DNMBP: variants seen among roughly 807,000 people sequenced by gnomAD.
The protein encoded by DNMBP is dynamin-binding protein.
DNMBP carries 87 observed loss-of-function variants against 150.0 expected under a neutral mutation model. That is an observed-to-expected ratio of 0.58 (90% CI 0.49 to 0.69). The LOEUF (loss-of-function observed/expected upper bound fraction) is 0.69. Among genes scored for constraint, DNMBP ranks in the 30% least tolerant of loss-of-function variants. The pLI is 0.00. For synonymous variants in DNMBP, 711 were observed against 750.4 expected (o/e 0.95, Z 0.86); for missense variants, 1,774 against 1,949.0 (o/e 0.91, Z 1.69).
intron 4 of DNMBP, among the ~76,000 whole-genome samples, chr10:99,939,826 G>C (rs181224383): frequency 2.2e-3 from 330 of 152,318 alleles, no homozygotes; most frequent in Non-Finnish European, 3.7e-3. Flanking sequence ...TCAGGCTTTT[G>C]CATTTCTGAG....
Position 99,968,291 on chromosome 10 carries a change from A to G in DNMBP, c.268+824T>C, listed in dbSNP as rs914847247. Among the ~76,000 whole-genome samples the G allele has an allele frequency of 3.9e-5, 6 of 152,140 alleles. No individual in the cohort carries two copies. In the South Asian group the frequency reaches 1.2e-3, roughly 31 times the overall value. Reference sequence around the variant, plus strand: ...ATCAAAATTCCTGCTCTACTATTATACATTAATAAATGGTAATATTGTTAG... The same window carrying G: ...ATCAAAATTCCTGCTCTACTATTATGCATTAATAAATGGTAATATTGTTAG... On this transcript the variant is annotated intron_variant, in intron 3 of 16. Coordinates refer to ENST00000324109, the MANE Select transcript of DNMBP (RefSeq NM_015221.4).
intron 1 of DNMBP, among the ~76,000 whole-genome samples, chr10:99,999,210 C>G (rs2040985000): frequency 6.6e-6 from 1 of 152,218 alleles, no homozygotes; most frequent in South Asian, 2.1e-4. Context: ...TCTTCAGGCA[C>G]TCATTTACCT....
Position 99,899,781 on chromosome 10 carries a change from A to G in DNMBP, c.2702+138T>C. On this transcript the variant is annotated intron_variant, in intron 7 of 16. Transcript: ENST00000324109. ...TATTCACATGGACAAAAATACAATC[A>G]GGAAACCACTTAAATGATATATATC... is the stretch of plus-strand genomic sequence containing the variant. 4.9e-6 allele frequency: 5 copies of G among 1,015,304 alleles called. No individual in the cohort carries two copies. The South Asian group carries it at 5.4e-5, about 11-fold the overall frequency. 62.9% of individuals were successfully genotyped at this position (1,015,304 alleles called of 1,614,324 possible). A position where few individuals can be genotyped will look rare whatever the true frequency, so the allele number is the denominator to read the frequency against.
intron 4 of DNMBP, chr10:99,929,893 T>C: frequency 1.4e-6 from 1 of 702,936 alleles, no homozygotes; most frequent in Non-Finnish European, 2.6e-6. Flanking sequence ...AAATTCTCCA[T>C]TTGATGGAGA....
In DNMBP at chr10:99,876,968, G is replaced by A. The variant is rs543984022; in HGVS notation, c.*183C>T. 4.9e-5 allele frequency: 25 copies of A among 508,372 alleles called. No individual in the cohort carries two copies. The South Asian group carries it at 8.4e-4, about 17-fold the overall frequency. 31.5% of individuals were successfully genotyped at this position (508,372 alleles called of 1,614,324 possible). A position where few individuals can be genotyped will look rare whatever the true frequency, so the allele number is the denominator to read the frequency against. On this transcript the variant is annotated 3_prime_UTR_variant, in exon 17 of 17. Coordinates refer to ENST00000324109, the MANE Select transcript of DNMBP (RefSeq NM_015221.4). ...TCCATTTCAAATTCTAGAGATTCTA[G>A]TGAGCATCAAGGTTTACAACCCAAT...
At chr10:99,922,472 G>A (rs1589419683) in intron 4 of DNMBP, among the ~76,000 whole-genome samples, 1 of 145,966 alleles carries the variant, frequency 6.9e-6, no homozygotes, top group African/African-American at 2.6e-5. Context: ...GTAATGGCTT[G>A]GGAAGAAAAC....
In DNMBP at chr10:99,932,404, C is replaced by T. The variant is rs530649905; in HGVS notation, c.2260+22810G>A. Among the ~76,000 whole-genome samples the T allele has an allele frequency of 1.5e-4, 23 of 152,204 alleles. No individual in the cohort carries two copies. In the East Asian group the frequency reaches 2.1e-3, roughly 14 times the overall value. The stretch of plus-strand genomic sequence containing the variant: ...CCTCAAACAAAAGGCCAATAAAAAA[C>T]AAATTGACCAGTGGTATTCATCAGT... On this transcript the variant is annotated intron_variant, in intron 4 of 16. Coordinates refer to ENST00000324109, the MANE Select transcript of DNMBP (RefSeq NM_015221.4).
chr10:99,889,454 T>G (rs753897860), intron 11 of DNMBP: 1 of 151,608 alleles, frequency 6.6e-6, no homozygotes, highest in African/African-American at 2.5e-5. Context: ...AAAAAAATAC[T>G]CTCTCACATG....
chr10:99,893,474 G>A lies in DNMBP; in HGVS notation c.3156+1472C>T, dbSNP rs543082568. On this transcript the variant is annotated intron_variant, in intron 11 of 16. Transcript: ENST00000324109. ...ACCAAGGCCAGGCGCGGTGGCTCAC[G>A]CCTGTAATTCCAACACTTTGGAAGA... Among the ~76,000 whole-genome samples, 6 of 152,344 alleles carry A rather than the reference G, an allele frequency of 3.9e-5. No homozygotes were observed. The East Asian group carries it at 5.8e-4, about 15-fold the overall frequency.
In DNMBP at chr10:99,949,326, A is replaced by G. The variant is rs538453001; in HGVS notation, c.2260+5888T>C. 2.6e-5 allele frequency among the ~76,000 whole-genome samples: 4 copies of G among 152,338 alleles called. 1 individual carries two copies. The South Asian group carries it at 8.3e-4, about 32-fold the overall frequency. On this transcript the variant is annotated intron_variant, in intron 4 of 16. Coordinates refer to ENST00000324109, the MANE Select transcript of DNMBP (RefSeq NM_015221.4). Reference sequence around the variant, plus strand: ...GATAAAACCTGTCTTCTCAGTAAGCATATTAACAACTAAATATAATATTGA... The same window carrying G: ...GATAAAACCTGTCTTCTCAGTAAGCGTATTAACAACTAAATATAATATTGA...
chr10:99,921,864 GAAAAAA>G (rs34344466), intron 4 of DNMBP, among the ~76,000 whole-genome samples: 111 of 23,736 alleles, frequency 4.7e-3, no homozygotes, highest in Middle Eastern at 0.023. Flanking sequence ...GATTCCATCT[GAAAAAA>G]AAAAAAAAAA....
intron 13 of DNMBP, 42 bp downstream of exon 13, chr10:99,886,258 A>G: frequency 6.6e-7 from 1 of 1,505,780 alleles, no homozygotes; most frequent in Non-Finnish European, 9.1e-7. Context: ...TACCAGGCAA[A>G]GGCTATAGAT....
At chr10:99,924,834 A>G (rs190802020) in intron 4 of DNMBP, among the ~76,000 whole-genome samples, 1 of 152,358 alleles carries the variant, frequency 6.6e-6, no homozygotes, top group African/African-American at 2.4e-5. Context: ...TACTTCGCAA[A>G]AGTGCCTTCA....
intron 11 of DNMBP, among the ~76,000 whole-genome samples, chr10:99,893,476 C>T (rs1184097119): frequency 6.6e-6 from 1 of 152,216 alleles, no homozygotes; most frequent in Non-Finnish European, 1.5e-5. Flanking sequence ...TGGCTCACGC[C>T]TGTAATTCCA....
chr10:99,973,080 CATTTATTTATTTATTT>C (rs35399198), intron 1 of DNMBP, among the ~76,000 whole-genome samples: 1 of 149,580 alleles, frequency 6.7e-6, no homozygotes, highest in Non-Finnish European at 1.5e-5. Context: ...CTGCCTGCGG[CATTTATTTATTTATTT>C]ATTTATTTAT....
At chr10:99,950,860 C>T (rs750930907) in intron 4 of DNMBP, among the ~76,000 whole-genome samples, 11 of 152,158 alleles carry the variant, frequency 7.2e-5, no homozygotes, top group Non-Finnish European at 7.4e-5. Context: ...AATCCCATTT[C>T]CTGAAGAGAA....
intron 4 of DNMBP, among the ~76,000 whole-genome samples, chr10:99,922,353 A>T (rs896333211): frequency 6.6e-6 from 1 of 151,476 alleles, no homozygotes; most frequent in Non-Finnish European, 1.5e-5. Flanking sequence ...TCCCATCCTA[A>T]CTCATTATCT....
intron 16 of DNMBP, among the ~76,000 whole-genome samples, chr10:99,877,792 A>C (rs1036373389): frequency 1.3e-5 from 2 of 152,192 alleles, no homozygotes; most frequent in African/African-American, 4.8e-5. Flanking sequence ...CCAACCCAGG[A>C]TGCAGAGGTT....
chr10:99,946,565 A>G (rs1042663160), intron 4 of DNMBP, among the ~76,000 whole-genome samples: 2 of 152,206 alleles, frequency 1.3e-5, no homozygotes, highest in Admixed American at 6.5e-5. Flanking sequence ...TATGCAGAAG[A>G]ATGAAACTGG....
Sources: allele counts gnomAD v4.1 joint callset (sites outside exome capture counted in the v4.1 genomes callset), GRCh38; gene constraint gnomAD v4.1.1; transcripts MANE v1.5; gene names NCBI Gene and HGNC (gene_info 2026-07-23, HGNC 2026-07-21).